The following GPX4 variants were observed in gnomAD, a reference collection of about 807,000 sequenced individuals.
GPX4 encodes the protein glutathione peroxidase 4.
GPX4 carries 28 observed loss-of-function variants against 27.8 expected under a neutral mutation model. The observed-to-expected ratio is 1.01, with a 90% confidence interval of 0.75 to 1.38. The LOEUF is 1.38. GPX4 is among the 40% of genes most tolerant of loss of function. The probability of loss-of-function intolerance (pLI) is 0.00; values close to 1 mark genes in which losing one functional copy is unlikely to be tolerated. For missense variants in GPX4, 357 were observed against 274.1 expected, an observed-to-expected ratio of 1.30 and a Z score of -2.14; for synonymous variants, 163 against 107.8, an observed-to-expected ratio of 1.51 and a Z score of -3.17.
chr19:1,106,691 A>AC lies in GPX4; in HGVS notation c.*123dup. On this transcript the variant is annotated 3_prime_UTR_variant, in exon 7 of 7. Coordinates refer to ENST00000354171, the MANE Select transcript of GPX4 (RefSeq NM_002085.5). ...GGGCAGACCCGAAAATCCAGCGTGC[A>AC]CCCCGCCGGAGGAAGGTCCCATGGC... The AC allele has an allele frequency of 1.5e-6, 2 of 1,373,742 alleles. No homozygotes were observed. Among genetic ancestry groups the AC allele is most frequent in the Non-Finnish European group, 2.0e-6 (2 of 1,001,180 alleles). 85.1% of individuals were successfully genotyped at this position (1,373,742 alleles called of 1,614,324 possible).
intron 1 of GPX4, chr19:1,104,639 C>A: frequency 2.0e-6 from 2 of 985,658 alleles, no homozygotes; most frequent in Non-Finnish European, 2.4e-6. Flanking sequence ...GCGGTGGCGT[C>A]ACAGTCGCGC....
In GPX4 at chr19:1,103,994, A is replaced by G. The variant is rs1285528726; in HGVS notation, c.-50A>G. On this transcript the variant is annotated 5_prime_UTR_variant, in exon 1 of 7. Transcript: ENST00000354171. ...AGGCGCGGAAAGCCGACGCGCGTCC[A>G]TTGGTCGGCTGGACGAGGGGAGGAG... 42 of 1,491,002 alleles carry G rather than the reference A, an allele frequency of 2.8e-5. No homozygotes were observed. In the East Asian group the frequency reaches 5.0e-4, roughly 18 times the overall value. 92.4% of individuals were successfully genotyped at this position (1,491,002 alleles called of 1,614,324 possible). A position where few individuals can be genotyped will look rare whatever the true frequency, so the allele number is the denominator to read the frequency against.
chr19:1,105,972 G>C, intron 4 of GPX4, 163 bp downstream of exon 4: 2 of 883,596 alleles, frequency 2.3e-6, no homozygotes, highest in Admixed American at 2.4e-5. Context: ...AGATGGCTCA[G>C]GGGGACATAG....
chr19:1,104,949 A>G, intron 1 of GPX4: 1 of 1,471,940 alleles, frequency 6.8e-7, no homozygotes, highest in Non-Finnish European at 9.0e-7. Flanking sequence ...GGGCCCCCAC[A>G]CCGGCTAATG....
chr19:1,104,376 C>G (rs1313449885), intron 1 of GPX4: 1 of 423,630 alleles, frequency 2.4e-6, no homozygotes, highest in African/African-American at 2.1e-5. Flanking sequence ...TTGTTCCACG[C>G]GCGCGGGTCG....
intron 3 of GPX4, 33 bp from the exon 4 acceptor site, chr19:1,105,625 C>T (rs746262144): frequency 6.8e-6 from 11 of 1,608,510 alleles, no homozygotes; most frequent in Non-Finnish European, 6.8e-6. Context: ...GGGTGCCAGC[C>T]CCCGACTCAC....
In GPX4 at chr19:1,104,066, G is replaced by A. The variant is rs769173951; in HGVS notation, c.23G>A (p.Arg8His). 45 of 1,519,140 alleles carry A rather than the reference G, an allele frequency of 3.0e-5. No individual in the cohort carries two copies. In the South Asian group the frequency reaches 4.4e-4, roughly 15 times the overall value. The allele number at this position is 1,519,140 out of a possible 1,614,324, so 94.1% of individuals were successfully genotyped here. Residue 8 changes from arginine to histidine, a missense_variant, in exon 1 of 7, where the codon CGC becomes CAC. Coordinates refer to ENST00000354171, the MANE Select transcript of GPX4 (RefSeq NM_002085.5). ...GCGATGAGCCTCGGCCGCCTTTGCCGCCTACTGAAGCCGGCGCTGCTCTGT... is the reference window on the plus strand; with the variant it reads ...GCGATGAGCCTCGGCCGCCTTTGCCACCTACTGAAGCCGGCGCTGCTCTGT... MSLGRLCRLLKPALLCGA... is the reference protein window; with the variant it reads MSLGRLCHLLKPALLCGA...
At chr19:1,105,976 G>C in intron 4 of GPX4, 167 bp downstream of exon 4, 1 of 861,116 alleles carries the variant, frequency 1.2e-6, no homozygotes, top group South Asian at 1.7e-5. Flanking sequence ...GGCTCAGGGG[G>C]ACATAGAGGG....
chr19:1,106,577 A>T lies in GPX4; in HGVS notation c.*5A>T. 3 of 1,613,372 alleles carry T rather than the reference A, an allele frequency of 1.9e-6. No homozygotes were observed. Among genetic ancestry groups the T allele is most frequent in the Non-Finnish European group, 2.5e-6 (3 of 1,179,842 alleles). ...GACCTGCCCCACTATTTCTAGCTCCACAAGTGTGTGGCCCCGCCCGAGCCC... is the reference window on the plus strand; with the variant it reads ...GACCTGCCCCACTATTTCTAGCTCCTCAAGTGTGTGGCCCCGCCCGAGCCC... On this transcript the variant is annotated 3_prime_UTR_variant, in exon 7 of 7. Transcript: ENST00000354171.
In GPX4 at chr19:1,104,338, C is replaced by T. The variant is rs999830365; in HGVS notation, c.84+211C>T. 24 of 484,726 alleles carry T rather than the reference C, an allele frequency of 5.0e-5. No homozygotes were observed. In the Admixed American group the frequency reaches 9.0e-4, roughly 18 times the overall value. 30.0% of individuals were successfully genotyped at this position (484,726 alleles called of 1,614,324 possible). On this transcript the variant is annotated intron_variant, in intron 1 of 6. Coordinates refer to ENST00000354171, the MANE Select transcript of GPX4 (RefSeq NM_002085.5). ...GGCCCTCCAGGCCGTTGTAGGCGCGCGGGCTGGGGTCGGGGAAGGGGAAGG... is the reference window on the plus strand; with the variant it reads ...GGCCCTCCAGGCCGTTGTAGGCGCGTGGGCTGGGGTCGGGGAAGGGGAAGG...
rs912113378 is a variant in GPX4, at chr19:1,104,068, C to G, written c.25C>G (p.Leu9Val). Residue 9 changes from leucine (L) to valine (V), a missense_variant, in exon 1 of 7, where the codon CTA becomes GTA. Physicochemically the swap from Leu to Val is conservative, Grantham distance 32. Coordinates refer to ENST00000354171, the MANE Select transcript of GPX4 (RefSeq NM_002085.5). ...GATGAGCCTCGGCCGCCTTTGCCGC[C>G]TACTGAAGCCGGCGCTGCTCTGTGG... is the stretch of plus-strand genomic sequence containing the variant. MSLGRLCR[L>V]LKPALLCGAL... 64 of 1,519,564 alleles carry G rather than the reference C, an allele frequency of 4.2e-5. No homozygotes were observed. The highest frequency in any genetic ancestry group is 5.4e-5 in the Non-Finnish European group (62 of 1,140,122). The allele number at this position is 1,519,564 out of a possible 1,614,324, so 94.1% of individuals were successfully genotyped here.
chr19:1,105,747 C>A lies in GPX4; in HGVS notation c.414C>A (p.Asp138Glu). Reference sequence around the variant, plus strand: ...TCAGCAAGATCTGCGTGAACGGGGACGACGCCCACCCGCTGTGGAAGTGGA... The same window carrying A: ...TCAGCAAGATCTGCGTGAACGGGGAAGACGCCCACCCGCTGTGGAAGTGGA... ...DMFSKICVNG[D>E]DAHPLWKWMK... Residue 138 changes from aspartate to glutamate, a missense_variant, in exon 4 of 7, where the codon GAC becomes GAA. By Grantham distance (45) the Asp-to-Glu change is conservative. Coordinates refer to ENST00000354171, the MANE Select transcript of GPX4 (RefSeq NM_002085.5). 6.3e-7 allele frequency: 1 copy of A among 1,599,330 alleles called. No individual in the cohort carries two copies. The highest frequency in any genetic ancestry group is 8.5e-7 in the Non-Finnish European group (1 of 1,173,218).
rs1470969103 is a variant in GPX4 at position 1,106,235 on chromosome 19, T to C, written c.477-7T>C. On this transcript the variant is annotated splice_region_variant and splice_polypyrimidine_tract_variant and intron_variant, in intron 4 of 6. Coordinates refer to ENST00000354171, the MANE Select transcript of GPX4 (RefSeq NM_002085.5). Reference sequence around the variant, plus strand: ...GGGACGCTCACGTCCATGTGCTTCTTTTCCAGTGCCATCAAGTGGAACTTC... The same window carrying C: ...GGGACGCTCACGTCCATGTGCTTCTCTTCCAGTGCCATCAAGTGGAACTTC... 3.1e-6 allele frequency: 5 copies of C among 1,604,900 alleles called. No individual in the cohort carries two copies.
intron 3 of GPX4, 53 bp downstream of exon 3, chr19:1,105,563 T>TGGGGGGGGGGGGGGGGGGGGGGGGG: frequency 6.6e-7 from 1 of 1,506,090 alleles, no homozygotes; most frequent in Non-Finnish European, 9.0e-7. Context: ...GGGGTCGGGG[T>TGGGGGGGGGGGGGGGGGGGGGGGGG]GGGCTCCAGC....
chr19:1,104,532 C>G (rs939187353), intron 1 of GPX4: 8 of 669,496 alleles, frequency 1.2e-5, no homozygotes, highest in African/African-American at 3.9e-5. Context: ...CCGGGCCGAG[C>G]GGGGCTGCTG....
rs770059063 is a variant in GPX4 at position 1,106,469 on chromosome 19, C to T, written c.561+10C>T. On this transcript the variant is annotated intron_variant, in intron 6 of 6. Coordinates refer to ENST00000354171, the MANE Select transcript of GPX4 (RefSeq NM_002085.5). ...CATGGAGGAGCCCCTGGTAGGTCCTCTCTAGGGAGCCCGCTTGAGGCTCGG... is the reference window on the plus strand; with the variant it reads ...CATGGAGGAGCCCCTGGTAGGTCCTTTCTAGGGAGCCCGCTTGAGGCTCGG... 1.9e-6 allele frequency: 3 copies of T among 1,612,748 alleles called. No individual in the cohort carries two copies. The East Asian group carries it at 6.7e-5, about 36-fold the overall frequency.
In GPX4 at chr19:1,106,283, G is replaced by T; in HGVS notation, c.501+17G>T. 1 of 1,605,404 alleles carries T rather than the reference G, an allele frequency of 6.2e-7. No individual in the cohort carries two copies. ...TTCACCAAGGTAAGGGGGCTGTGGG[G>T]GGTAGGGGACCAGCTTCCCCTGGCC... On this transcript the variant is annotated intron_variant, in intron 5 of 6. Coordinates refer to ENST00000354171, the MANE Select transcript of GPX4 (RefSeq NM_002085.5).
chr19:1,105,924 G>T, intron 4 of GPX4, 115 bp downstream of exon 4: 3 of 1,273,120 alleles, frequency 2.4e-6, no homozygotes, highest in Admixed American at 4.3e-5. Flanking sequence ...TTGCGGGGAG[G>T]TGCTGGGACT....
chr19:1,104,188 G>A (rs1241694240), intron 1 of GPX4, 61 bp downstream of exon 1: 59 of 1,309,618 alleles, frequency 4.5e-5, no homozygotes, highest in Non-Finnish European at 5.5e-5. Flanking sequence ...CGCGATCCCT[G>A]CCTCCGCTCG....
Sources: gnomAD v4.1 joint callset for allele counts on GRCh38, gnomAD v4.1.1 for gene constraint, MANE v1.5 for transcripts, NCBI Gene and HGNC (gene_info 2026-07-23, HGNC 2026-07-21) for gene names.